The following PTPRO variants were observed in gnomAD, a reference collection of about 807,000 sequenced individuals.
PTPRO encodes protein tyrosine phosphatase receptor type O, also known as receptor-type tyrosine-protein phosphatase O.
A neutral mutation model predicts 145.2 loss-of-function variants in PTPRO; 62 were observed. The observed-to-expected ratio is 0.43, with a 90% CI of 0.35 to 0.53. PTPRO has a LOEUF of 0.53. PTPRO is among the 20% of genes least tolerant of loss of function. PTPRO has a pLI of 0.01. For synonymous variants in PTPRO, 565 were observed against 514.7 expected (o/e 1.10, Z -1.32); for missense variants, 1,345 against 1,482.7 (o/e 0.91, Z 1.53).
intron 1 of PTPRO, among the ~76,000 whole-genome samples, chr12:15,455,654 A>G (rs1941157664): frequency 6.6e-6 from 1 of 152,150 alleles, no homozygotes; most frequent in Non-Finnish European, 1.5e-5. Context: ...GATATTAAAA[A>G]TGATTCATTA....
intron 1 of PTPRO, among the ~76,000 whole-genome samples, chr12:15,419,611 T>G (rs1415904059): frequency 6.6e-6 from 1 of 151,640 alleles, no homozygotes; most frequent in Non-Finnish European, 1.5e-5. Context: ...ATAAACAGAC[T>G]ACAGCAAGAA....
chr12:15,536,360 G>T (rs1449447327), intron 12 of PTPRO, among the ~76,000 whole-genome samples: 1 of 152,146 alleles, frequency 6.6e-6, no homozygotes, highest in Non-Finnish European at 1.5e-5. Context: ...AGGAGATGAG[G>T]GAGTAAACCA....
At chr12:15,414,173 C>G (rs1320070653) in intron 1 of PTPRO, among the ~76,000 whole-genome samples, 1 of 152,156 alleles carries the variant, frequency 6.6e-6, no homozygotes, top group Admixed American at 6.5e-5. Context: ...TCACGACATA[C>G]GTTTAGAAAG....
rs1442478333 is a variant in PTPRO at position 15,597,907 on chromosome 12, A to G, written c.*1834A>G. Among the ~76,000 whole-genome samples the G allele has an allele frequency of 1.2e-4, 19 of 152,230 alleles. No individual in the cohort carries two copies. The highest frequency in any genetic ancestry group is 1.2e-3 in the Admixed American group (19 of 15,288). On this transcript the variant is annotated 3_prime_UTR_variant, in exon 27 of 27. Transcript: ENST00000281171. ...GTGTGACATTCTTAGATTTTCACACATGGGCAGTCAGGAGTGAAATGTGCA... is the reference window on the plus strand; with the variant it reads ...GTGTGACATTCTTAGATTTTCACACGTGGGCAGTCAGGAGTGAAATGTGCA...
chr12:15,381,351 C>G (rs995068230), intron 1 of PTPRO, among the ~76,000 whole-genome samples: 2 of 152,088 alleles, frequency 1.3e-5, no homozygotes, highest in Admixed American at 1.3e-4. Context: ...CTCTCAATGT[C>G]CTACTCAGAG....
intron 19 of PTPRO, among the ~76,000 whole-genome samples, chr12:15,578,131 T>A (rs1591761244): frequency 6.6e-6 from 1 of 152,334 alleles, no homozygotes; most frequent in East Asian, 1.9e-4. Flanking sequence ...TTAGTGACTG[T>A]TAATCCCATA....
intron 17 of PTPRO, among the ~76,000 whole-genome samples, chr12:15,562,178 C>A (rs931257249): frequency 6.6e-6 from 1 of 152,108 alleles, no homozygotes; most frequent in African/African-American, 2.4e-5. Context: ...ATGTTCTCAG[C>A]CCTTTTGTAC....
At chr12:15,413,949 T>C (rs969785887) in intron 1 of PTPRO, among the ~76,000 whole-genome samples, 3 of 152,222 alleles carry the variant, frequency 2.0e-5, no homozygotes, top group Admixed American at 6.5e-5. Flanking sequence ...GAACCAGTAA[T>C]ATATTGAAAA....
chr12:15,523,216 T>C (rs1484919831), intron 10 of PTPRO, among the ~76,000 whole-genome samples: 1 of 152,258 alleles, frequency 6.6e-6, no homozygotes, highest in Non-Finnish European at 1.5e-5. Context: ...TTGTTGTAAG[T>C]ATTAGCATCA....
At chr12:15,556,710 G>A (rs1055522044) in intron 15 of PTPRO, among the ~76,000 whole-genome samples, 22 of 152,140 alleles carry the variant, frequency 1.4e-4, no homozygotes, top group African/African-American at 5.3e-4. Context: ...TATCATTGTA[G>A]GGAGGAAATC....
intron 6 of PTPRO, among the ~76,000 whole-genome samples, chr12:15,507,142 G>A (rs923994464): frequency 2.6e-5 from 4 of 152,074 alleles, no homozygotes; most frequent in African/African-American, 9.7e-5. Flanking sequence ...GCCAGGCACG[G>A]TGGCTCACAC....
Position 15,557,467 on chromosome 12 carries a change from T to C in PTPRO, c.2571T>C (p.Ala857=), listed in dbSNP as rs1465889363. ...TCCTTTAAAACAGGGAGTGTGGAGC[T>C]GGTACATTTGTCAATTTTGCATCCT... ...KHLQMARECG[A]GTFVNFASLE... The change falls in exon 16 of 27, where the codon GCT becomes GCC. Residue 857 remains alanine, a synonymous_variant. Transcript: ENST00000281171. 7 of 1,613,944 alleles carry C rather than the reference T, an allele frequency of 4.3e-6. No homozygotes were observed. In the Admixed American group the frequency reaches 1.2e-4, roughly 27 times the overall value.
At chr12:15,416,712 C>A (rs1207097983) in intron 1 of PTPRO, among the ~76,000 whole-genome samples, 1 of 141,982 alleles carries the variant, frequency 7.0e-6, no homozygotes, top group Non-Finnish European at 1.5e-5. Context: ...GTGGTTTTGC[C>A]ACTTCCTTCT....
intron 1 of PTPRO, among the ~76,000 whole-genome samples, chr12:15,425,636 G>C (rs1393009234): frequency 2.0e-5 from 3 of 152,128 alleles, no homozygotes; most frequent in African/African-American, 4.8e-5. Context: ...TCTTGTGCAT[G>C]ATTTGAGTTA....
intron 17 of PTPRO, among the ~76,000 whole-genome samples, chr12:15,560,650 C>A (rs1943750163): frequency 6.6e-6 from 1 of 152,082 alleles, no homozygotes; most frequent in Admixed American, 6.5e-5. Flanking sequence ...ATGGAGAAAT[C>A]AGAGTCTATA....
In PTPRO at chr12:15,484,122, A is replaced by G. The variant is rs760254050; in HGVS notation, c.224A>G (p.Asn75Ser). Residue 75 changes from asparagine to serine, a missense_variant, in exon 2 of 27, where the codon AAC (asparagine) becomes AGC (serine). Asn to Ser is a conservative substitution (Grantham distance 46, BLOSUM62 1). Coordinates refer to ENST00000281171, the MANE Select transcript of PTPRO (RefSeq NM_030667.3). ...TATTTCTTCGAATTTGAGGAATTCA[A>G]CAGCACTTTGCCTCCTCCTGTTATT... The part of the protein sequence containing the change: ...KNYFFEFEEF[N>S]STLPPPVIFK... The G allele has an allele frequency of 3.1e-6, 5 of 1,613,738 alleles. No homozygotes were observed. The highest frequency in any genetic ancestry group is 1.3e-5 in the African/African-American group (1 of 74,916).
At chr12:15,348,273 C>G (rs1204227031) in intron 1 of PTPRO, 3 of 152,170 alleles carry the variant, frequency 2.0e-5, no homozygotes, top group Non-Finnish European at 4.4e-5. Flanking sequence ...CCTACCATTG[C>G]TGGCTTGGAA....
intron 13 of PTPRO, 95 bp downstream of exon 13, chr12:15,546,803 A>C: frequency 1.3e-6 from 2 of 1,524,236 alleles, no homozygotes; most frequent in South Asian, 2.3e-5. Flanking sequence ...GAGCTATATA[A>C]AATGAAAACT....
chr12:15,518,601 A>T (rs1591677849), intron 9 of PTPRO, among the ~76,000 whole-genome samples: 1 of 152,204 alleles, frequency 6.6e-6, no homozygotes, highest in African/African-American at 2.4e-5. Flanking sequence ...TTAAAACTGA[A>T]TGCCTTTAAC....
Sources: allele counts gnomAD v4.1 joint callset (sites outside exome capture counted in the v4.1 genomes callset), GRCh38; gene constraint gnomAD v4.1.1; transcripts MANE v1.5; gene names NCBI Gene and HGNC (gene_info 2026-07-23, HGNC 2026-07-21).